Variants in SORCS3 observed in about 807,000 individuals in gnomAD.
SORCS3 encodes sortilin related VPS10 domain containing receptor 3.
In SORCS3, 57 loss-of-function variants were observed where a neutral mutation model predicts 146.3. The observed-to-expected ratio is 0.39, with a 90% CI of 0.31 to 0.49. SORCS3 has a LOEUF of 0.49. Ranked by LOEUF, SORCS3 falls within the 20% of genes least tolerant of loss-of-function variation. The pLI, the probability that SORCS3 is intolerant of heterozygous loss-of-function variation, is 0.92. For synonymous variants in SORCS3, 653 were observed against 618.5 expected (o/e 1.06, Z -0.83); for missense variants, 1,341 against 1,575.5 (o/e 0.85, Z 2.52).
At position 104,944,526 on chromosome 10, in the gene SORCS3, C is replaced by T. The variant is rs369863838; in HGVS notation, c.795+28594C>T. Among the ~76,000 whole-genome samples, 49 of 152,006 alleles carry T rather than the reference C, an allele frequency of 3.2e-4. 1 individual carries two copies. The South Asian group carries it at 6.0e-3, about 19-fold the overall frequency. ...TATAAATCATTAAGAGAAAGACTGACGACTTAAAAAAATGGGCAGAAGACT... is the reference window on the plus strand; with the variant it reads ...TATAAATCATTAAGAGAAAGACTGATGACTTAAAAAAATGGGCAGAAGACT... On this transcript the variant is annotated intron_variant, in intron 3 of 26. Coordinates refer to ENST00000369701, the MANE Select transcript of SORCS3 (RefSeq NM_014978.3).
chr10:105,153,524 A>T (rs1480727136), intron 9 of SORCS3, among the ~76,000 whole-genome samples: 1 of 152,132 alleles, frequency 6.6e-6, no homozygotes, highest in Non-Finnish European at 1.5e-5. Context: ...ATTATTCCAA[A>T]AGTGGCTGTG....
At chr10:105,184,049 A>G (rs1268016590) in intron 14 of SORCS3, among the ~76,000 whole-genome samples, 3 of 152,232 alleles carry the variant, frequency 2.0e-5, no homozygotes, top group South Asian at 2.1e-4. Context: ...CTATTGAAGA[A>G]CATTGGACAT....
At chr10:104,821,425 C>G (rs1399999072) in intron 1 of SORCS3, among the ~76,000 whole-genome samples, 2 of 152,108 alleles carry the variant, frequency 1.3e-5, no homozygotes. Context: ...AGGAAGAGAA[C>G]ATGTGCACAT....
chr10:104,694,747 G>C (rs2016153616), intron 1 of SORCS3, among the ~76,000 whole-genome samples: 1 of 152,112 alleles, frequency 6.6e-6, no homozygotes, highest in Admixed American at 6.6e-5. Context: ...TTGTCCTTCA[G>C]ATACTCCCAC....
intron 2 of SORCS3, among the ~76,000 whole-genome samples, chr10:104,869,734 T>A (rs1384676366): frequency 6.6e-6 from 1 of 152,244 alleles, no homozygotes; most frequent in Non-Finnish European, 1.5e-5. Flanking sequence ...GATGCGTAAT[T>A]ACTACACATA....
At chr10:104,735,099 A>G (rs2016752263) in intron 1 of SORCS3, among the ~76,000 whole-genome samples, 1 of 152,186 alleles carries the variant, frequency 6.6e-6, no homozygotes, top group African/African-American at 2.4e-5. Context: ...TCAGTAAAGC[A>G]CATCAAGAAA....
At chr10:104,949,935 G>C (rs1335147660) in intron 3 of SORCS3, among the ~76,000 whole-genome samples, 1 of 152,216 alleles carries the variant, frequency 6.6e-6, no homozygotes, top group Admixed American at 6.5e-5. Context: ...TGAGTTAAGA[G>C]AGTAATAAGA....
At chr10:104,732,954 G>T (rs558354579) in intron 1 of SORCS3, among the ~76,000 whole-genome samples, 3 of 152,152 alleles carry the variant, frequency 2.0e-5, no homozygotes, top group Non-Finnish European at 4.4e-5. Flanking sequence ...GTATCTGAAG[G>T]TCAAGGGGCT....
At chr10:105,241,563 G>A (rs1217569858) in intron 20 of SORCS3, among the ~76,000 whole-genome samples, 4 of 152,146 alleles carry the variant, frequency 2.6e-5, no homozygotes, top group Non-Finnish European at 4.4e-5. Context: ...ACACTCGGTG[G>A]GTCCTGAACT....
intron 1 of SORCS3, among the ~76,000 whole-genome samples, chr10:104,769,352 T>C (rs2017220683): frequency 6.6e-6 from 1 of 151,668 alleles, no homozygotes; most frequent in Non-Finnish European, 1.5e-5. Flanking sequence ...CCCACGGAGG[T>C]GTTGTGGGCT....
intron 5 of SORCS3, among the ~76,000 whole-genome samples, chr10:105,079,742 G>GGCCC (rs922463502): frequency 4.6e-5 from 7 of 152,030 alleles, no homozygotes; most frequent in African/African-American, 1.4e-4. Flanking sequence ...CCCTCTGGTA[G>GGCCC]GCCCCAGTGT....
At chr10:105,025,474 A>G (rs2055222268) in intron 4 of SORCS3, among the ~76,000 whole-genome samples, 1 of 152,110 alleles carries the variant, frequency 6.6e-6, no homozygotes, top group South Asian at 2.1e-4. Flanking sequence ...CATCAGCTGA[A>G]CCACCTGAGC....
rs566502004 is a variant in SORCS3, at chr10:105,037,839, A to G, written c.955-5216A>G. Among the ~76,000 whole-genome samples the G allele has an allele frequency of 2.6e-5, 4 of 152,300 alleles. No individual in the cohort carries two copies. The South Asian group carries it at 8.3e-4, about 32-fold the overall frequency. ...GCCTGTGACTCTCCTATGATCTCATATTATTCTTTGAACAGGCTTTCCGGG... is the reference window on the plus strand; with the variant it reads ...GCCTGTGACTCTCCTATGATCTCATGTTATTCTTTGAACAGGCTTTCCGGG... On this transcript the variant is annotated intron_variant, in intron 4 of 26. Coordinates refer to ENST00000369701, the MANE Select transcript of SORCS3 (RefSeq NM_014978.3).
chr10:105,037,313 AG>A (rs1208735401), intron 4 of SORCS3, among the ~76,000 whole-genome samples: 2 of 152,182 alleles, frequency 1.3e-5, no homozygotes, highest in Non-Finnish European at 2.9e-5. Context: ...TAGTCCTGGC[AG>A]GGGGTGTGAG....
At chr10:105,163,550 A>G (rs978206428) in intron 11 of SORCS3, among the ~76,000 whole-genome samples, 5 of 152,122 alleles carry the variant, frequency 3.3e-5, no homozygotes, top group African/African-American at 9.7e-5. Context: ...CATTGGGAAA[A>G]CGAAATCAAT....
At chr10:105,253,943 A>G (rs997137594) in intron 23 of SORCS3, among the ~76,000 whole-genome samples, 3 of 152,254 alleles carry the variant, frequency 2.0e-5, no homozygotes, top group Non-Finnish European at 4.4e-5. Flanking sequence ...TTTGGAAGCT[A>G]CAATATCCAT....
In SORCS3 at chr10:105,159,023, C is replaced by G. The variant is rs774710240; in HGVS notation, c.1732+29C>G. Reference sequence around the variant, plus strand: ...AGAAAAACATTCCCTGTGCTTCTTCCTTACTGAGAGTGTCTAGAATAAATT... The same window carrying G: ...AGAAAAACATTCCCTGTGCTTCTTCGTTACTGAGAGTGTCTAGAATAAATT... On this transcript the variant is annotated intron_variant, in intron 11 of 26. Coordinates refer to ENST00000369701, the MANE Select transcript of SORCS3 (RefSeq NM_014978.3). 4.7e-6 allele frequency: 7 copies of G among 1,501,184 alleles called. No individual in the cohort carries two copies. In the South Asian group the frequency reaches 6.9e-5, roughly 15 times the overall value. The allele number at this position is 1,501,184 out of a possible 1,614,324, so 93.0% of individuals were successfully genotyped here. A position where few individuals can be genotyped will look rare whatever the true frequency, so the allele number is the denominator to read the frequency against.
intron 4 of SORCS3, among the ~76,000 whole-genome samples, chr10:105,031,248 G>A (rs772227151): frequency 2.0e-5 from 3 of 151,634 alleles, no homozygotes; most frequent in Non-Finnish European, 4.4e-5. Context: ...GCAGTGAGCC[G>A]AGATCACGCC....
At chr10:105,139,303 C>G in intron 7 of SORCS3, 94 bp from the exon 8 acceptor site, 1 of 903,198 alleles carries the variant, frequency 1.1e-6, no homozygotes, top group South Asian at 1.4e-5. Flanking sequence ...TAATTACAAA[C>G]CCATTGTGGT....
Sources: gnomAD v4.1 joint callset for allele counts (sites outside exome capture counted in the v4.1 genomes callset) on GRCh38, gnomAD v4.1.1 for gene constraint, MANE v1.5 for transcripts, NCBI Gene and HGNC (gene_info 2026-07-23, HGNC 2026-07-21) for gene names.